The following C2orf49 variants were observed in gnomAD, a reference collection of about 807,000 sequenced individuals.
C2orf49 encodes the protein tRNA splicing ligase complex subunit 2.
In C2orf49, 11 loss-of-function variants were observed where a neutral mutation model predicts 20.6. The ratio of observed to expected loss-of-function variants is 0.53; its 90% CI spans 0.34 to 0.88. The LOEUF (loss-of-function observed/expected upper bound fraction) is 0.88. Ranked by LOEUF, C2orf49 falls within the 40% of genes least tolerant of loss-of-function variation. The probability of loss-of-function intolerance (pLI) is 0.02; values close to 1 mark genes in which losing one functional copy is unlikely to be tolerated. For missense variants in C2orf49, 289 were observed against 274.2 expected (o/e 1.05, Z -0.38); for synonymous variants, 134 against 108.5 (o/e 1.24, Z -1.46).
At chr2:105,371,396 T>C in the C2orf49 span, among the ~76,000 whole-genome samples, 1 of 152,182 alleles carries the variant, frequency 6.6e-6, no homozygotes, top group Non-Finnish European at 1.5e-5. Context: ...AGACACACCC[T>C]GCCTGAGTTT....
At chr2:105,352,380 A>G (rs1317055541), downstream of C2orf49, among the ~76,000 whole-genome samples, 2 of 150,944 alleles carry the variant, frequency 1.3e-5, no homozygotes, top group African/African-American at 2.4e-5. Context: ...TGGAGTAAAT[A>G]AAACATGGTC....
Position 105,342,934 on chromosome 2 carries a change from C to G in C2orf49, c.353C>G (p.Thr118Arg). The change falls in exon 3 of 4, where the codon ACA becomes AGA. Residue 118 changes from threonine (T) to arginine (R), a missense_variant. By Grantham distance (71) the Thr-to-Arg change is moderately conservative (BLOSUM62 -1). Coordinates refer to ENST00000258457, the MANE Select transcript of C2orf49 (RefSeq NM_024093.3). ...STSTSIKVKK[T>R]ENGDNDRLKP... ...AGTACAAGCATAAAAGTGAAAAAGACAGAGAATGGAGATAATGATCGACTG... is the reference window on the plus strand; with the variant it reads ...AGTACAAGCATAAAAGTGAAAAAGAGAGAGAATGGAGATAATGATCGACTG... The G allele has an allele frequency of 1.2e-6, 2 of 1,614,160 alleles. No homozygotes were observed. The highest frequency in any genetic ancestry group is 2.2e-5 in the East Asian group (1 of 44,886).
the C2orf49 span, among the ~76,000 whole-genome samples, chr2:105,377,184 A>C: frequency 2.6e-5 from 4 of 152,174 alleles, no homozygotes; most frequent in African/African-American, 9.7e-5. Context: ...AATGGGCTTG[A>C]TGGGGGTAGT....
chr2:105,363,015 T>A, the C2orf49 span: 1 of 416,864 alleles, frequency 2.4e-6, no homozygotes, highest in African/African-American at 2.0e-5. Flanking sequence ...GACTGCAGTT[T>A]TAGCGATAAT....
intron 1 of C2orf49, among the ~76,000 whole-genome samples, chr2:105,338,282 A>G (rs368873535): frequency 1.3e-5 from 2 of 152,252 alleles, no homozygotes; most frequent in African/African-American, 4.8e-5. Context: ...GTGATAGAGA[A>G]TTACTGGAAG....
chr2:105,340,662 A>T (rs1415682120), intron 2 of C2orf49, among the ~76,000 whole-genome samples: 1 of 152,210 alleles, frequency 6.6e-6, no homozygotes, highest in Non-Finnish European at 1.5e-5. Flanking sequence ...GTTTTATAAA[A>T]CCACAAGCAA....
At chr2:105,349,424 C>A (rs908675948), downstream of C2orf49, among the ~76,000 whole-genome samples, 8 of 152,138 alleles carry the variant, frequency 5.3e-5, no homozygotes, top group East Asian at 1.9e-4. Context: ...ATAGATTCTT[C>A]ATTTTTTTTG....
rs1226949692 is a variant in C2orf49, at chr2:105,337,591, G to C, written c.4G>C (p.Ala2Pro). The C allele has an allele frequency of 6.2e-7, 1 of 1,613,254 alleles. No individual in the cohort carries two copies. The highest frequency in any genetic ancestry group is 2.2e-5 in the East Asian group (1 of 44,874). The change falls in exon 1 of 4, where the codon GCG (alanine) becomes CCG (proline). Residue 2 changes from alanine to proline, a missense_variant. By Grantham distance (27) the Ala-to-Pro change is conservative (BLOSUM62 -1). Coordinates refer to ENST00000258457, the MANE Select transcript of C2orf49 (RefSeq NM_024093.3). Reference sequence around the variant, plus strand: ...CTGGGGTCTCCTGGCGACGACCATGGCGGGGGATGTGGGCGGTCGCAGCTG... The same window carrying C: ...CTGGGGTCTCCTGGCGACGACCATGCCGGGGGATGTGGGCGGTCGCAGCTG... M[A>P]GDVGGRSCTD...
At chr2:105,338,265 G>A (rs1679559722) in intron 1 of C2orf49, among the ~76,000 whole-genome samples, 2 of 152,148 alleles carry the variant, frequency 1.3e-5, no homozygotes, top group African/African-American at 4.8e-5. Context: ...AAAAAGTGAT[G>A]TTTTAAGTGA....
chr2:105,355,268 G>A, the C2orf49 span, among the ~76,000 whole-genome samples: 3 of 152,318 alleles, frequency 2.0e-5, no homozygotes, highest in South Asian at 6.2e-4. Context: ...CAGGCAAGCC[G>A]ACTCTCATAC....
chr2:105,356,589 G>A, the C2orf49 span, among the ~76,000 whole-genome samples: 1 of 152,078 alleles, frequency 6.6e-6, no homozygotes. Flanking sequence ...AAATAAAATA[G>A]GAAAGAAAAC....
rs1462410167 is a variant in C2orf49 at position 105,346,092 on chromosome 2, TTTTA to T, written c.*725_*728del. ...AAATATTTTACTAGTTTGCCTGCCATTTTATTTCTTTTACAAAGCAGAAGCATAT... is the reference window on the plus strand; with the variant it reads ...AAATATTTTACTAGTTTGCCTGCCATTTTCTTTTACAAAGCAGAAGCATAT... On this transcript the variant is annotated 3_prime_UTR_variant, in exon 4 of 4. Coordinates refer to ENST00000258457, the MANE Select transcript of C2orf49 (RefSeq NM_024093.3). The T allele has an allele frequency of 3.3e-5, 5 of 152,234 alleles. No homozygotes were observed. The highest frequency in any genetic ancestry group is 1.2e-4 in the African/African-American group (5 of 41,458). 9.4% of individuals were successfully genotyped at this position (152,234 alleles called of 1,614,324 possible).
Position 105,348,774 on chromosome 2 carries a change from G to C in C2orf49, c.*3403G>C, listed in dbSNP as rs1020154996. 1.3e-5 allele frequency: 2 copies of C among 152,036 alleles called. No homozygotes were observed. The highest frequency in any genetic ancestry group is 4.8e-5 in the African/African-American group (2 of 41,384). The allele number at this position is 152,036 out of a possible 1,614,324, so 9.4% of individuals were successfully genotyped here. A position where few individuals can be genotyped will look rare whatever the true frequency, so the allele number is the denominator to read the frequency against. ...AACAGAATAAAATTACCTTGAGTAG[G>C]TCTGTTATTCTTATTAAAATGGAAA... On this transcript the variant is annotated 3_prime_UTR_variant, in exon 4 of 4. Coordinates refer to ENST00000258457, the MANE Select transcript of C2orf49 (RefSeq NM_024093.3).
the C2orf49 span, chr2:105,367,548 G>C: frequency 6.3e-7 from 1 of 1,599,860 alleles, no homozygotes; most frequent in Admixed American, 1.7e-5. Flanking sequence ...ACGTGCAAGG[G>C]CCAAGGGGGC....
At chr2:105,380,521 G>A in the C2orf49 span, among the ~76,000 whole-genome samples, 76 of 152,250 alleles carry the variant, frequency 5.0e-4, no homozygotes, top group Middle Eastern at 3.4e-3. Flanking sequence ...GAGCCACCAC[G>A]CCCGGCTCAA....
chr2:105,361,563 T>G, the C2orf49 span: 1 of 742,426 alleles, frequency 1.3e-6, no homozygotes, highest in Non-Finnish European at 2.2e-6. Flanking sequence ...GAATTTCTAG[T>G]GACTGGGTGT....
chr2:105,376,920 A>T, the C2orf49 span, among the ~76,000 whole-genome samples: 1 of 152,262 alleles, frequency 6.6e-6, no homozygotes, highest in East Asian at 1.9e-4. Flanking sequence ...CGGTCACAAA[A>T]GGACAAATAC....
chr2:105,341,472 A>G (rs2104447404), intron 2 of C2orf49, among the ~76,000 whole-genome samples: 2 of 152,342 alleles, frequency 1.3e-5, no homozygotes, highest in South Asian at 4.1e-4. Context: ...CCAAGGTCAC[A>G]CAGAGCTAGG....
At chr2:105,367,725 C>G in the C2orf49 span, 1 of 1,613,832 alleles carries the variant, frequency 6.2e-7, no homozygotes, top group Non-Finnish European at 8.5e-7. Context: ...CCCTTGTACT[C>G]CATCTTGCGG....
Sources: gnomAD v4.1 joint callset for allele counts (sites outside exome capture counted in the v4.1 genomes callset) on GRCh38, gnomAD v4.1.1 for gene constraint, MANE v1.5 for transcripts, NCBI Gene and HGNC (gene_info 2026-07-23, HGNC 2026-07-21) for gene names.